The following GRXCR2 variants were observed in gnomAD, a reference collection of about 807,000 sequenced individuals.
The protein encoded by GRXCR2 is glutaredoxin and cysteine rich domain containing 2.
In GRXCR2, 23 loss-of-function variants were observed where a neutral mutation model predicts 24.8. The observed-to-expected ratio is 0.93, with a 90% confidence interval of 0.67 to 1.32. The LOEUF is 1.32. Ranked by LOEUF, GRXCR2 falls within the 40% of genes most tolerant of loss-of-function variation. GRXCR2 has a pLI of 0.00. For synonymous variants in GRXCR2, 130 were observed against 116.1 expected, an observed-to-expected ratio of 1.12 and a Z score of -0.77; for missense variants, 315 against 303.4, an observed-to-expected ratio of 1.04 and a Z score of -0.28.
chr5:145,866,857 A>G lies in GRXCR2; in HGVS notation c.337-129T>C, dbSNP rs1298819290. ...ACCACCCAGCATTTTTGATCCCATCAGACCCCAAAGTCACAGTTCATTCCC... is the reference window on the plus strand; with the variant it reads ...ACCACCCAGCATTTTTGATCCCATCGGACCCCAAAGTCACAGTTCATTCCC... On this transcript the variant is annotated intron_variant, in intron 1 of 2. Transcript: ENST00000377976. 4.7e-6 allele frequency: 3 copies of G among 636,252 alleles called. No homozygotes were observed. In the East Asian group the frequency reaches 8.1e-5, roughly 17 times the overall value. 39.4% of individuals were successfully genotyped at this position (636,252 alleles called of 1,614,324 possible).
intron 2 of GRXCR2, among the ~76,000 whole-genome samples, chr5:145,903,696 C>G (rs1561687377): frequency 6.6e-6 from 1 of 152,084 alleles, no homozygotes; most frequent in Non-Finnish European, 1.5e-5. Context: ...ACAACTCTAA[C>G]TGTGGAGGTT....
At chr5:145,886,654 A>G (rs1756783937) in intron 2 of GRXCR2, among the ~76,000 whole-genome samples, 1 of 152,188 alleles carries the variant, frequency 6.6e-6, no homozygotes, top group Admixed American at 6.6e-5. Flanking sequence ...TCAGAGGCTG[A>G]AAAATGGCCC....
intron 2 of GRXCR2, among the ~76,000 whole-genome samples, chr5:145,895,167 C>T (rs1057390295): frequency 1.3e-5 from 2 of 152,072 alleles, no homozygotes; most frequent in African/African-American, 4.8e-5. Flanking sequence ...GACAAACCCA[C>T]AGCCAATATC....
rs187246772 is a variant in GRXCR2 at position 145,881,560 on chromosome 5, A to C, written c.-69-14832T>G. 4.1e-4 allele frequency among the ~76,000 whole-genome samples: 62 copies of C among 152,364 alleles called. No homozygotes were observed. The East Asian group carries it at 0.011, about 27-fold the overall frequency. On this transcript the variant is annotated intron_variant, in intron 2 of 3. Coordinates refer to the GRXCR2 transcript ENST00000639411. ...ACAAATGGAAGAACATCCCATGCTC[A>C]TGGATAGGAAGAATCAATATTGTGA...
chr5:145,923,555 G>A, intron 2 of GRXCR2, among the ~76,000 whole-genome samples: 1 of 152,124 alleles, frequency 6.6e-6, no homozygotes, highest in East Asian at 1.9e-4. Flanking sequence ...CCAAAGACCT[G>A]CCACCAGGTT....
intron 2 of GRXCR2, among the ~76,000 whole-genome samples, chr5:145,902,283 T>C (rs1424799294): frequency 1.3e-5 from 2 of 152,122 alleles, no homozygotes; most frequent in South Asian, 4.2e-4. Context: ...CATTATTTTT[T>C]GTAGATACAG....
intron 2 of GRXCR2, among the ~76,000 whole-genome samples, chr5:145,885,097 C>CTGTGTGTGTGTGTGTG (rs59158357): frequency 2.4e-4 from 35 of 147,712 alleles, no homozygotes; most frequent in African/African-American, 6.5e-4. Context: ...GTGTGTGTGT[C>CTGTGTGTGTGTGTGTG]TGTGTGTGTG....
intron 2 of GRXCR2, among the ~76,000 whole-genome samples, chr5:145,903,979 C>T (rs1757058629): frequency 6.6e-6 from 1 of 152,176 alleles, no homozygotes; most frequent in Non-Finnish European, 1.5e-5. Context: ...TGTAAATACT[C>T]CTCTCTGATG....
At chr5:145,881,087 A>G (rs1435540081) in intron 2 of GRXCR2, among the ~76,000 whole-genome samples, 2 of 152,254 alleles carry the variant, frequency 1.3e-5, no homozygotes, top group African/African-American at 4.8e-5. Flanking sequence ...TGAATGGGCA[A>G]AAGCTGGAAG....
chr5:145,876,027 C>T (rs999558403), upstream of GRXCR2, among the ~76,000 whole-genome samples: 16 of 151,462 alleles, frequency 1.1e-4, no homozygotes, highest in Non-Finnish European at 1.8e-4. Flanking sequence ...ATTATCTGGG[C>T]ATGGTGGTGC....
At chr5:145,916,125 C>T (rs924513072) in intron 2 of GRXCR2, among the ~76,000 whole-genome samples, 2 of 152,004 alleles carry the variant, frequency 1.3e-5, no homozygotes, top group African/African-American at 4.8e-5. Context: ...AAGCGGGGGG[C>T]GCTGCTCAGA....
intron 2 of GRXCR2, among the ~76,000 whole-genome samples, chr5:145,862,580 C>T (rs891502951): frequency 6.6e-6 from 1 of 152,174 alleles, no homozygotes; most frequent in African/African-American, 2.4e-5. Context: ...CACAGCATAG[C>T]TTAGGTTCTA....
At chr5:145,923,554 T>C (rs1218028347) in intron 2 of GRXCR2, among the ~76,000 whole-genome samples, 1 of 152,158 alleles carries the variant, frequency 6.6e-6, no homozygotes, top group African/African-American at 2.4e-5. Context: ...TCCAAAGACC[T>C]GCCACCAGGT....
intron 2 of GRXCR2, among the ~76,000 whole-genome samples, chr5:145,899,303 A>C (rs569143656): frequency 3.2e-4 from 48 of 152,324 alleles, no homozygotes; most frequent in African/African-American, 1.1e-3. Context: ...GGATTGAAAA[A>C]ATCAATATCA....
chr5:145,917,840 T>G (rs567073565), intron 2 of GRXCR2, among the ~76,000 whole-genome samples: 2 of 152,322 alleles, frequency 1.3e-5, no homozygotes, highest in Admixed American at 1.3e-4. Context: ...AGGGCAGTAG[T>G]GCAATCTTGG....
intron 2 of GRXCR2, among the ~76,000 whole-genome samples, chr5:145,880,435 A>G (rs1756682421): frequency 6.6e-6 from 1 of 152,218 alleles, no homozygotes; most frequent in African/African-American, 2.4e-5. Flanking sequence ...CAAATAAACT[A>G]GAAAATCTAG....
chr5:145,925,262 T>C (rs1400996763), intron 2 of GRXCR2, among the ~76,000 whole-genome samples: 1 of 152,230 alleles, frequency 6.6e-6, no homozygotes, highest in East Asian at 1.9e-4. Context: ...AAGTTAGAAA[T>C]GATGCCAGAA....
chr5:145,910,905 C>T (rs1307059506), intron 2 of GRXCR2, among the ~76,000 whole-genome samples: 1 of 152,050 alleles, frequency 6.6e-6, no homozygotes, highest in Non-Finnish European at 1.5e-5. Context: ...GGCACATCCC[C>T]ACTCTGTGGA....
At chr5:145,927,541 G>A (rs2149930587) in intron 2 of GRXCR2, among the ~76,000 whole-genome samples, 1 of 152,244 alleles carries the variant, frequency 6.6e-6, no homozygotes, top group Admixed American at 6.5e-5. Flanking sequence ...TTATTGATTT[G>A]CGTATGTTGA....
Sources: gnomAD v4.1 joint callset for allele counts (sites outside exome capture counted in the v4.1 genomes callset) on GRCh38, gnomAD v4.1.1 for gene constraint, MANE v1.5 for transcripts, NCBI Gene and HGNC (gene_info 2026-07-23, HGNC 2026-07-21) for gene names.